DOCK4: variants seen among roughly 807,000 people sequenced by gnomAD.
DOCK4 encodes the protein dedicator of cytokinesis 4.
A neutral mutation model predicts 268.1 loss-of-function variants in DOCK4; 97 were observed. The ratio of observed to expected loss-of-function variants is 0.36; its 90% CI spans 0.31 to 0.43. DOCK4 has a LOEUF of 0.43. Among genes scored for constraint, DOCK4 ranks in the 20% least tolerant of loss-of-function variants. The pLI, the probability that DOCK4 is intolerant of heterozygous loss-of-function variation, is 1.00. For synonymous variants in DOCK4, 954 were observed against 887.2 expected (o/e 1.08, Z -1.34); for missense variants, 2,145 against 2,455.7 (o/e 0.87, Z 2.67).
intron 1 of DOCK4, among the ~76,000 whole-genome samples, chr7:112,009,297 A>G (rs949450099): frequency 6.6e-6 from 1 of 152,210 alleles, no homozygotes; most frequent in Non-Finnish European, 1.5e-5. Context: ...TCTCCAACTC[A>G]TGAACAGGTT....
chr7:111,835,365 T>C (rs1411384974), intron 25 of DOCK4, among the ~76,000 whole-genome samples: 2 of 152,204 alleles, frequency 1.3e-5, no homozygotes, highest in African/African-American at 2.4e-5. Context: ...CTTGGAAGAT[T>C]GAAAACAATT....
chr7:111,944,959 AGAGATG>A, intron 9 of DOCK4, 88 bp from the exon 10 acceptor site: 16 of 979,476 alleles, frequency 1.6e-5, no homozygotes, highest in East Asian at 5.2e-5. Flanking sequence ...AAAAGAAGAA[AGAGATG>A]GACACAGACA....
intron 1 of DOCK4, among the ~76,000 whole-genome samples, chr7:112,179,520 T>G (rs1190165040): frequency 7.8e-6 from 1 of 128,586 alleles, no homozygotes; most frequent in Non-Finnish European, 1.5e-5. Flanking sequence ...AAGGTGTTGT[T>G]TTTTTGTTTT....
chr7:112,069,780 T>C (rs563358409), intron 1 of DOCK4, among the ~76,000 whole-genome samples: 1 of 152,032 alleles, frequency 6.6e-6, no homozygotes, highest in Non-Finnish European at 1.5e-5. Flanking sequence ...ACAGATCCAC[T>C]GCATTAAAAA....
intron 1 of DOCK4, among the ~76,000 whole-genome samples, chr7:112,205,385 G>A (rs1044934057): frequency 6.6e-6 from 1 of 152,190 alleles, no homozygotes; most frequent in South Asian, 2.1e-4. Context: ...GGGGTCGAGA[G>A]GGTGGCCAGA....
intron 8 of DOCK4, among the ~76,000 whole-genome samples, chr7:111,948,928 G>C (rs1444909956): frequency 6.6e-6 from 1 of 150,878 alleles, no homozygotes; most frequent in Admixed American, 6.6e-5. Flanking sequence ...AAAAAGACTT[G>C]AGAAACAAAT....
chr7:112,027,386 G>A (rs1479418145), intron 1 of DOCK4, among the ~76,000 whole-genome samples: 8 of 152,084 alleles, frequency 5.3e-5, no homozygotes, highest in East Asian at 3.9e-4. Flanking sequence ...CACCACACCC[G>A]GTTAATTTTT....
chr7:111,932,844 A>G (rs73207411), intron 12 of DOCK4, among the ~76,000 whole-genome samples: 11,499 of 152,060 alleles, frequency 0.076, 455 homozygotes, highest in Middle Eastern at 0.15. Context: ...TGCCTCCTGA[A>G]TTGGACAGCA....
At chr7:111,791,707 C>CA (rs1490068112) in intron 30 of DOCK4, among the ~76,000 whole-genome samples, 1 of 152,184 alleles carries the variant, frequency 6.6e-6, no homozygotes, top group African/African-American at 2.4e-5. Flanking sequence ...CTTGGCCTCC[C>CA]AAAGTGCTAG....
Position 111,769,516 on chromosome 7 carries a change from C to T in DOCK4, c.3828+13G>A. ...ACCCCAGGAGGGACCCCGGGCGGGG[C>T]AGGGCCACTTACTTTGCCTCTGTCA... On this transcript the variant is annotated intron_variant, in intron 37 of 52. Transcript: ENST00000428084. The T allele has an allele frequency of 6.2e-7, 1 of 1,613,114 alleles. No individual in the cohort carries two copies. The highest frequency in any genetic ancestry group is 2.2e-5 in the East Asian group (1 of 44,876).
In DOCK4 at chr7:111,989,018, T is replaced by C; in HGVS notation, c.461A>G (p.Asn154Ser). 1.9e-6 allele frequency: 3 copies of C among 1,609,634 alleles called. No individual in the cohort carries two copies. Among genetic ancestry groups the C allele is most frequent in the South Asian group, 1.1e-5 (1 of 90,432 alleles). The change falls in exon 6 of 53, where the codon AAT becomes AGT. Residue 154 changes from asparagine to serine, a missense_variant. Coordinates refer to ENST00000428084, the MANE Select transcript of DOCK4 (RefSeq NM_001363540.2). ...RHITARLDWGNEQLGLDLVPR... is the reference protein window; with the variant it reads ...RHITARLDWGSEQLGLDLVPR... The stretch of plus-strand genomic sequence containing the variant: ...CCCTGTGATGCTCAATACTCACTCA[T>C]TGCCCCAGTCAAGCCGGGCAGTAAT...
chr7:111,741,892 G>A (rs953816659), intron 45 of DOCK4, 121 bp downstream of exon 45: 3 of 1,371,410 alleles, frequency 2.2e-6, no homozygotes, highest in Admixed American at 2.9e-5. Flanking sequence ...GGGCTCCCTG[G>A]TAAAACAGTG....
In DOCK4 at chr7:111,963,313, G is replaced by C. The variant is rs1586512203; in HGVS notation, c.701+13819C>G. ...TGAGGTACCGGGTTCATCTCACTAG[G>C]GAGTGCCAGACAGTGGGCGCAGGCC... is the stretch of plus-strand genomic sequence containing the variant. On this transcript the variant is annotated intron_variant, in intron 8 of 52. Coordinates refer to ENST00000428084, the MANE Select transcript of DOCK4 (RefSeq NM_001363540.2). Among the ~76,000 whole-genome samples, 4 of 143,616 alleles carry C rather than the reference G, an allele frequency of 2.8e-5. No individual in the cohort carries two copies. The South Asian group carries it at 9.2e-4, about 33-fold the overall frequency. 94.2% of individuals were successfully genotyped at this position (143,616 alleles called of 152,430 possible).
chr7:111,826,573 T>C (rs1357488374), intron 26 of DOCK4, among the ~76,000 whole-genome samples: 2 of 152,192 alleles, frequency 1.3e-5, no homozygotes, highest in African/African-American at 4.8e-5. Context: ...CAAAATCATG[T>C]CCTTTGCTGC....
At chr7:112,066,679 A>ATG (rs1389467741) in intron 1 of DOCK4, among the ~76,000 whole-genome samples, 200 of 18,976 alleles carry the variant, frequency 0.011, 10 homozygotes, top group African/African-American at 0.058. Context: ...ACATATACAT[A>ATG]TATACATATA....
At chr7:112,189,733 C>G (rs1819761425) in intron 1 of DOCK4, among the ~76,000 whole-genome samples, 1 of 141,012 alleles carries the variant, frequency 7.1e-6, no homozygotes, top group Admixed American at 7.4e-5. Context: ...TTTTTATTCT[C>G]TGTCTGGGTT....
chr7:111,770,387 C>T (rs1002305944), intron 36 of DOCK4, among the ~76,000 whole-genome samples: 4 of 151,906 alleles, frequency 2.6e-5, no homozygotes, highest in African/African-American at 9.7e-5. Context: ...GACTGCCTTG[C>T]CCCAGATGGC....
chr7:111,839,919 A>G (rs1051620789), intron 25 of DOCK4, among the ~76,000 whole-genome samples: 3 of 152,172 alleles, frequency 2.0e-5, no homozygotes, highest in African/African-American at 7.2e-5. Flanking sequence ...TTACTAATGT[A>G]TATTTTATCC....
intron 12 of DOCK4, among the ~76,000 whole-genome samples, chr7:111,930,677 G>A (rs962025135): frequency 1.3e-5 from 2 of 152,146 alleles, no homozygotes; most frequent in African/African-American, 4.8e-5. Flanking sequence ...TAAACATTAG[G>A]CACCCTAATT....
Sources: allele counts gnomAD v4.1 joint callset (sites outside exome capture counted in the v4.1 genomes callset), GRCh38; gene constraint gnomAD v4.1.1; transcripts MANE v1.5; gene names NCBI Gene and HGNC (gene_info 2026-07-23, HGNC 2026-07-21).